SELENOT: variants seen among roughly 807,000 people sequenced by gnomAD.
SELENOT encodes the protein selenoprotein T, also known as thioredoxin reductase-like selenoprotein T.
A neutral mutation model predicts 24.3 loss-of-function variants in SELENOT; 9 were observed. That is an observed-to-expected ratio of 0.37 (90% CI 0.22 to 0.65). SELENOT has a LOEUF of 0.65. SELENOT is among the 30% of genes least tolerant of loss of function. SELENOT has a pLI of 0.60. For synonymous variants in SELENOT, 81 were observed against 86.0 expected (o/e 0.94, Z 0.32); for missense variants, 166 against 247.6 (o/e 0.67, Z 2.21).
chr3:150,610,764 C>T (rs953593359), intron 1 of SELENOT, among the ~76,000 whole-genome samples: 4 of 152,212 alleles, frequency 2.6e-5, no homozygotes, highest in Non-Finnish European at 5.9e-5. Context: ...ATGCTGTTAA[C>T]ATTTTTCTAA....
chr3:150,626,015 G>A (rs545803040), intron 4 of SELENOT, among the ~76,000 whole-genome samples: 4 of 152,006 alleles, frequency 2.6e-5, no homozygotes, highest in East Asian at 1.9e-4. Context: ...GACTACAGGC[G>A]CCTGCCACCA....
chr3:150,625,636 G>A (rs1446915958), intron 4 of SELENOT, among the ~76,000 whole-genome samples: 2 of 151,214 alleles, frequency 1.3e-5, no homozygotes, highest in African/African-American at 4.9e-5. Context: ...ACACTTTTTG[G>A]TTAAAAAAAA....
At chr3:150,622,320 A>T (rs949821325) in intron 1 of SELENOT, 65 bp from the exon 2 acceptor site, 4 of 732,976 alleles carry the variant, frequency 5.5e-6, no homozygotes, top group Non-Finnish European at 7.9e-6. Context: ...TTAGGCTTTA[A>T]CTAACTACAA....
At chr3:150,603,652 C>A in intron 1 of SELENOT, 153 bp downstream of exon 1, 1 of 915,510 alleles carries the variant, frequency 1.1e-6, no homozygotes, top group Non-Finnish European at 1.6e-6. Flanking sequence ...CTTCTCGCGG[C>A]CCCTTAGCGC....
chr3:150,611,819 C>T (rs1304930185), intron 1 of SELENOT: 4 of 960,312 alleles, frequency 4.2e-6, no homozygotes, highest in South Asian at 1.5e-5. Flanking sequence ...GAGGCACTGG[C>T]GACCACAGCG....
chr3:150,610,217 A>C (rs1488732535), intron 1 of SELENOT, among the ~76,000 whole-genome samples: 2 of 152,230 alleles, frequency 1.3e-5, no homozygotes, highest in Non-Finnish European at 2.9e-5. Context: ...TACGAAACCT[A>C]GCATTTGTAC....
chr3:150,604,691 T>C (rs1201481186), intron 1 of SELENOT, among the ~76,000 whole-genome samples: 1 of 152,230 alleles, frequency 6.6e-6, no homozygotes, highest in Non-Finnish European at 1.5e-5. Flanking sequence ...AATAAGATGG[T>C]GAGACTTTAT....
chr3:150,621,573 ATCT>A (rs1322114178), intron 1 of SELENOT, among the ~76,000 whole-genome samples: 2 of 113,376 alleles, frequency 1.8e-5, no homozygotes, highest in Non-Finnish European at 3.6e-5. Flanking sequence ...TAAATGTACC[ATCT>A]TCTTTTTTAT....
chr3:150,615,132 T>G (rs1344607842), intron 1 of SELENOT, among the ~76,000 whole-genome samples: 1 of 148,416 alleles, frequency 6.7e-6, no homozygotes, highest in African/African-American at 2.5e-5. Flanking sequence ...TTTTTGTTCT[T>G]GCAATAGTTT....
rs1362552376 is a variant in SELENOT, at chr3:150,629,825, AC to A, written c.*2197del. ...TAATATAAGGAAAAAGGGAAAGTAA[AC>A]TATTTAGAATGTAGTTTTGTTATAT... On this transcript the variant is annotated 3_prime_UTR_variant, in exon 6 of 6. Transcript: ENST00000471696. The A allele has an allele frequency of 2.0e-5, 3 of 152,646 alleles. No individual in the cohort carries two copies. The highest frequency in any genetic ancestry group is 4.4e-5 in the Non-Finnish European group (3 of 68,026). 9.5% of individuals were successfully genotyped at this position (152,646 alleles called of 1,614,324 possible). A position where few individuals can be genotyped will look rare whatever the true frequency, so the allele number is the denominator to read the frequency against.
At chr3:150,604,420 C>T (rs930594783) in intron 1 of SELENOT, among the ~76,000 whole-genome samples, 1 of 152,220 alleles carries the variant, frequency 6.6e-6, no homozygotes, top group Non-Finnish European at 1.5e-5. Flanking sequence ...GAGAATCTTA[C>T]ACCTCCAAAG....
At chr3:150,622,992 G>C in intron 2 of SELENOT, 51 bp from the exon 3 acceptor site, 1 of 1,436,480 alleles carries the variant, frequency 7.0e-7, no homozygotes, top group Non-Finnish European at 9.2e-7. Context: ...AAATTTTAAA[G>C]TAGATTGGAA....
Position 150,628,216 on chromosome 3 carries a change from ATG to A in SELENOT, c.*593_*594del, listed in dbSNP as rs1368975618. ...CAGAGTACTCTATAAATTTTTGTGT[ATG>A]TGTGTATGTGCGTGTGATTACCAGA... On this transcript the variant is annotated 3_prime_UTR_variant, in exon 6 of 6. Transcript: ENST00000471696. The A allele has an allele frequency of 6.6e-6, 1 of 152,562 alleles. No homozygotes were observed. Among genetic ancestry groups the A allele is most frequent in the Non-Finnish European group, 1.5e-5 (1 of 68,014 alleles). 9.5% of individuals were successfully genotyped at this position (152,562 alleles called of 1,614,324 possible).
At chr3:150,626,865 G>A in intron 4 of SELENOT, 145 bp from the exon 5 acceptor site, 2 of 689,680 alleles carry the variant, frequency 2.9e-6, no homozygotes, top group Non-Finnish European at 4.8e-6. Flanking sequence ...CTACTGGAAT[G>A]TAAAGTCCCT....
At chr3:150,627,223 G>A in intron 5 of SELENOT, 60 bp downstream of exon 5, 1 of 1,261,240 alleles carries the variant, frequency 7.9e-7, no homozygotes, top group Non-Finnish European at 1.1e-6. Flanking sequence ...GACTCAGCAA[G>A]TTAGTAAATA....
In SELENOT at chr3:150,628,195, G is replaced by A. The variant is rs1726483134; in HGVS notation, c.*566G>A. 1 of 152,420 alleles carries A rather than the reference G, an allele frequency of 6.6e-6. No homozygotes were observed. The highest frequency in any genetic ancestry group is 2.1e-4 in the South Asian group (1 of 4,826). The allele number at this position is 152,420 out of a possible 1,614,324, so 9.4% of individuals were successfully genotyped here. A position where few individuals can be genotyped will look rare whatever the true frequency, so the allele number is the denominator to read the frequency against. ...TTATGGGGGAAATCCTATATTCAGAGTACTCTATAAATTTTTGTGTATGTG... is the reference window on the plus strand; with the variant it reads ...TTATGGGGGAAATCCTATATTCAGAATACTCTATAAATTTTTGTGTATGTG... On this transcript the variant is annotated 3_prime_UTR_variant, in exon 6 of 6. Coordinates refer to ENST00000471696, the MANE Select transcript of SELENOT (RefSeq NM_016275.5).
intron 1 of SELENOT, among the ~76,000 whole-genome samples, chr3:150,610,685 G>C (rs1467858761): frequency 6.6e-6 from 1 of 152,150 alleles, no homozygotes; most frequent in Non-Finnish European, 1.5e-5. Context: ...TTGTCTCTCT[G>C]AAATTAGATT....
chr3:150,626,871 T>A (rs1726455994), intron 4 of SELENOT, 139 bp from the exon 5 acceptor site: 2 of 727,340 alleles, frequency 2.7e-6, no homozygotes, highest in Non-Finnish European at 4.4e-6. Flanking sequence ...GAATGTAAAG[T>A]CCCTGAGAGC....
chr3:150,616,686 A>G (rs1393218779), intron 1 of SELENOT, among the ~76,000 whole-genome samples: 15 of 152,266 alleles, frequency 9.9e-5, no homozygotes, highest in Non-Finnish European at 1.8e-4. Context: ...GCAGTCATTA[A>G]AAAGTCAGAA....
Sources: gnomAD v4.1 joint callset for allele counts (sites outside exome capture counted in the v4.1 genomes callset) on GRCh38, gnomAD v4.1.1 for gene constraint, MANE v1.5 for transcripts, NCBI Gene and HGNC (gene_info 2026-07-23, HGNC 2026-07-21) for gene names.